Variants in FBXW11 observed in about 807,000 individuals in gnomAD.
The protein encoded by FBXW11 is F-box/WD repeat-containing protein 11.
Under a neutral mutation model 77.6 loss-of-function variants are expected in FBXW11, and 19 were observed. The ratio of observed to expected loss-of-function variants is 0.24; its 90% CI spans 0.17 to 0.36. FBXW11 has a LOEUF of 0.36. Ranked by LOEUF, FBXW11 falls within the 10% of genes least tolerant of loss-of-function variation. The pLI, the probability that FBXW11 is intolerant of heterozygous loss-of-function variation, is 1.00. For missense variants in FBXW11, 334 were observed against 704.2 expected, an observed-to-expected ratio of 0.47 and a Z score of 5.95; for synonymous variants, 235 against 249.4, an observed-to-expected ratio of 0.94 and a Z score of 0.54.
chr5:171,882,277 C>G (rs1758564140), intron 7 of FBXW11, among the ~76,000 whole-genome samples: 1 of 151,136 alleles, frequency 6.6e-6, no homozygotes, highest in Non-Finnish European at 1.5e-5. Flanking sequence ...TTACACCCAC[C>G]CACACATGCA....
chr5:171,961,587 A>T (rs1008056853), intron 1 of FBXW11, among the ~76,000 whole-genome samples: 1 of 152,226 alleles, frequency 6.6e-6, no homozygotes, highest in Non-Finnish European at 1.5e-5. Flanking sequence ...GGATAAAAAT[A>T]AAAGTTCCAC....
intron 1 of FBXW11, among the ~76,000 whole-genome samples, chr5:171,996,459 GAGTTCA>G (rs1390064743): frequency 8.5e-5 from 13 of 152,158 alleles, no homozygotes; most frequent in African/African-American, 2.9e-4. Flanking sequence ...TCGAGCCCAG[GAGTTCA>G]AGACCAGTCT....
chr5:171,975,227 C>A (rs370371336), intron 1 of FBXW11, among the ~76,000 whole-genome samples: 30 of 152,120 alleles, frequency 2.0e-4, no homozygotes, highest in Non-Finnish European at 3.4e-4. Context: ...AAAAATCAAC[C>A]TAAAACTCCA....
chr5:172,002,694 TTC>T (rs1766484969), intron 1 of FBXW11, among the ~76,000 whole-genome samples: 1 of 138,524 alleles, frequency 7.2e-6, no homozygotes, highest in African/African-American at 3.0e-5. Flanking sequence ...CTTTTTTCTT[TTC>T]TTTTTTTTTT....
intron 10 of FBXW11, 82 bp downstream of exon 10, chr5:171,872,790 G>A: frequency 3.0e-6 from 3 of 985,100 alleles, no homozygotes; most frequent in Non-Finnish European, 4.8e-6. Context: ...ACCCTGAGTT[G>A]TTTTGAGCAT....
At chr5:171,909,927 G>A (rs1760774260) in intron 4 of FBXW11, among the ~76,000 whole-genome samples, 1 of 151,982 alleles carries the variant, frequency 6.6e-6, no homozygotes, top group African/African-American at 2.4e-5. Flanking sequence ...ATGTTTGAAG[G>A]GAAAAGAGTA....
rs1757576300 is a variant in FBXW11, at chr5:171,868,719, C to T, written c.1608G>A (p.Leu536=). 2 of 1,613,998 alleles carry T rather than the reference C, an allele frequency of 1.2e-6. No homozygotes were observed. Among genetic ancestry groups the T allele is most frequent in the Non-Finnish European group, 1.7e-6 (2 of 1,179,930 alleles). ...GAGGCACATTTAAGAAATCCCAAAT[C>T]AAAATAGTGTCATCATGGGAGCTGC... ...IISSSHDDTI[L]IWDFLNVPPS... Residue 536 remains leucine, a synonymous_variant, in exon 13 of 14, where the codon TTG becomes TTA. Transcript: ENST00000517395.
intron 3 of FBXW11, among the ~76,000 whole-genome samples, chr5:171,912,457 T>C (rs938573508): frequency 6.5e-4 from 99 of 152,196 alleles, no homozygotes; most frequent in African/African-American, 2.1e-3. Flanking sequence ...TTGGCAAGAA[T>C]AAGGGGCATC....
At chr5:171,995,502 C>T (rs995985483) in intron 1 of FBXW11, among the ~76,000 whole-genome samples, 1 of 152,000 alleles carries the variant, frequency 6.6e-6, no homozygotes, top group Non-Finnish European at 1.5e-5. Context: ...GCCTGTAATC[C>T]CAGCACTTTG....
intron 2 of FBXW11, among the ~76,000 whole-genome samples, chr5:171,937,863 A>T (rs1365900449): frequency 1.3e-5 from 2 of 151,472 alleles, no homozygotes; most frequent in Admixed American, 6.6e-5. Flanking sequence ...AGGAAAATTT[A>T]AACTAGATAA....
chr5:171,880,760 G>A (rs1407586429), intron 7 of FBXW11, among the ~76,000 whole-genome samples: 11 of 152,210 alleles, frequency 7.2e-5, no homozygotes, highest in South Asian at 6.2e-4. Flanking sequence ...GCAATGGCGC[G>A]ATCTCGGCTC....
intron 2 of FBXW11, among the ~76,000 whole-genome samples, chr5:171,916,162 A>G (rs1199906941): frequency 1.3e-5 from 2 of 151,616 alleles, no homozygotes; most frequent in Non-Finnish European, 2.9e-5. Flanking sequence ...TGGGTGGAGC[A>G]TACCAACATG....
intron 2 of FBXW11, among the ~76,000 whole-genome samples, chr5:171,914,713 A>G (rs1761116042): frequency 6.6e-6 from 1 of 152,218 alleles, no homozygotes; most frequent in Admixed American, 6.5e-5. Context: ...CTGTTTTTGT[A>G]CTTGTGACAA....
At position 171,877,894 on chromosome 5, in the gene FBXW11, T is replaced by C; in HGVS notation, c.971+117A>G. ...AAACATGTCTACAATAAAAGTAGTT[T>C]GAAATACAGCATGTAAAAATGTAAG... On this transcript the variant is annotated intron_variant, in intron 8 of 13. Transcript: ENST00000517395. The C allele has an allele frequency of 5.1e-6, 4 of 783,282 alleles. No homozygotes were observed. In the South Asian group the frequency reaches 6.9e-5, roughly 13 times the overall value. 48.5% of individuals were successfully genotyped at this position (783,282 alleles called of 1,614,324 possible).
At chr5:171,928,432 C>G (rs1761999996) in intron 2 of FBXW11, among the ~76,000 whole-genome samples, 1 of 152,134 alleles carries the variant, frequency 6.6e-6, no homozygotes, top group Non-Finnish European at 1.5e-5. Flanking sequence ...GGACTCAGAA[C>G]AGACAACATA....
rs1234701123 is a variant in FBXW11 at position 171,892,313 on chromosome 5, AT to A, written c.715-710del. ...CACTAAACTAAGTGTATTTGGTTAA[AT>A]GATCCATACAATAACCTTGGAAGGA... On this transcript the variant is annotated intron_variant, in intron 6 of 13. Coordinates refer to ENST00000517395, the MANE Select transcript of FBXW11 (RefSeq NM_001378974.1). Among the ~76,000 whole-genome samples the A allele has an allele frequency of 2.6e-5, 4 of 152,342 alleles. 1 individual carries two copies. Among genetic ancestry groups the A allele is most frequent in the Admixed American group, 1.3e-4 (2 of 15,306 alleles).
At chr5:171,872,542 T>C (rs2113761759) in intron 10 of FBXW11, among the ~76,000 whole-genome samples, 1 of 151,780 alleles carries the variant, frequency 6.6e-6, no homozygotes, top group East Asian at 1.9e-4. Flanking sequence ...GGTAGGGAGG[T>C]GGGAGCTCAC....
chr5:171,981,631 AATG>A (rs1765151764), intron 1 of FBXW11, among the ~76,000 whole-genome samples: 1 of 152,228 alleles, frequency 6.6e-6, no homozygotes, highest in Non-Finnish European at 1.5e-5. Flanking sequence ...TGGAGTCAGG[AATG>A]ATGTTAGCGT....
chr5:171,893,421 C>CAAAAAAAAAA (rs397999920), intron 6 of FBXW11, among the ~76,000 whole-genome samples: 3,327 of 39,722 alleles, frequency 0.084, 975 homozygotes, highest in Non-Finnish European at 0.1. Flanking sequence ...ACTTCAAAAC[C>CAAAAAAAAAA]AAAAAAAAAA....
Sources: allele counts gnomAD v4.1 joint callset (sites outside exome capture counted in the v4.1 genomes callset), GRCh38; gene constraint gnomAD v4.1.1; transcripts MANE v1.5; gene names NCBI Gene and HGNC (gene_info 2026-07-23, HGNC 2026-07-21).